Variants in FAM107B observed in about 807,000 individuals in gnomAD.
FAM107B encodes the protein family with sequence similarity 107 member B.
A neutral mutation model predicts 31.5 loss-of-function variants in FAM107B; 21 were observed. The observed-to-expected ratio is 0.67, with a 90% CI of 0.47 to 0.96. The LOEUF (loss-of-function observed/expected upper bound fraction) is 0.96, where lower values mean the gene tolerates loss of function less well. Ranked by LOEUF, FAM107B falls within the 40% of genes least tolerant of loss-of-function variation. The pLI, the probability that FAM107B is intolerant of heterozygous loss-of-function variation, is 0.00. For missense variants in FAM107B, 452 were observed against 377.1 expected (o/e 1.20, Z -1.64); for synonymous variants, 157 against 141.5 (o/e 1.11, Z -0.78).
In FAM107B at chr10:14,520,527, T is replaced by C. The variant is rs537868662; in HGVS notation, c.*663A>G. On this transcript the variant is annotated 3_prime_UTR_variant, in exon 5 of 5. Coordinates refer to ENST00000181796, the MANE Select transcript of FAM107B (RefSeq NM_031453.4). ...ACTGGAATGTCACTATGTAGCCTGCTATTATTACACAGAGAACCAAAAGGA... is the reference window on the plus strand; with the variant it reads ...ACTGGAATGTCACTATGTAGCCTGCCATTATTACACAGAGAACCAAAAGGA... The C allele has an allele frequency of 6.6e-6, 1 of 152,356 alleles. No individual in the cohort carries two copies. Among genetic ancestry groups the C allele is most frequent in the South Asian group, 2.1e-4 (1 of 4,830 alleles). The allele number at this position is 152,356 out of a possible 1,614,324, so 9.4% of individuals were successfully genotyped here. A position where few individuals can be genotyped will look rare whatever the true frequency, so the allele number is the denominator to read the frequency against.
chr10:14,666,195 A>C (rs190489777), intron 2 of FAM107B, among the ~76,000 whole-genome samples: 1 of 152,228 alleles, frequency 6.6e-6, no homozygotes, highest in Non-Finnish European at 1.5e-5. Context: ...GGCCATTCTC[A>C]TGCTGCTATA....
At chr10:14,560,305 A>C (rs770830240) in intron 2 of FAM107B, among the ~76,000 whole-genome samples, 6 of 152,292 alleles carry the variant, frequency 3.9e-5, no homozygotes, top group Admixed American at 6.5e-5. Context: ...GATCCCTTTT[A>C]AGAGTCTTTC....
chr10:14,659,899 A>C (rs1854186344), intron 2 of FAM107B, among the ~76,000 whole-genome samples: 1 of 152,176 alleles, frequency 6.6e-6, no homozygotes. Flanking sequence ...AAGTTACAAA[A>C]ATACTTATTT....
At chr10:14,550,877 T>C (rs1405117218) in intron 2 of FAM107B, among the ~76,000 whole-genome samples, 3 of 152,224 alleles carry the variant, frequency 2.0e-5, no homozygotes, top group Non-Finnish European at 4.4e-5. Flanking sequence ...TGAAAACTTG[T>C]CTTTTACTGA....
chr10:14,648,232 G>C (rs1853809659), intron 2 of FAM107B, among the ~76,000 whole-genome samples: 1 of 152,216 alleles, frequency 6.6e-6, no homozygotes, highest in Non-Finnish European at 1.5e-5. Context: ...AAGCTTGACT[G>C]AAAGAGGAAC....
At chr10:14,713,355 T>A (rs1250653768) in intron 1 of FAM107B, among the ~76,000 whole-genome samples, 1 of 152,184 alleles carries the variant, frequency 6.6e-6, no homozygotes, top group South Asian at 2.1e-4. Flanking sequence ...AGACACAAAG[T>A]TCCCTGTAAC....
At chr10:14,766,033 C>T (rs925334363) in intron 1 of FAM107B, among the ~76,000 whole-genome samples, 8 of 152,082 alleles carry the variant, frequency 5.3e-5, no homozygotes, top group Non-Finnish European at 1.2e-4. Context: ...AGATGGTACC[C>T]CCAAGTCTTG....
At chr10:14,688,356 C>T (rs1855040200) in intron 1 of FAM107B, among the ~76,000 whole-genome samples, 3 of 152,110 alleles carry the variant, frequency 2.0e-5, no homozygotes, top group African/African-American at 4.8e-5. Flanking sequence ...ACCTTGTGAT[C>T]GCGTGAGTCA....
At chr10:14,697,406 T>C (rs956627164) in intron 1 of FAM107B, among the ~76,000 whole-genome samples, 1 of 152,242 alleles carries the variant, frequency 6.6e-6, no homozygotes, top group Non-Finnish European at 1.5e-5. Flanking sequence ...TTTGAAATAA[T>C]GCAGGGCTCT....
rs1039361613 is a variant in FAM107B at position 14,668,111 on chromosome 10, G to A, written c.412-420C>T. Reference sequence around the variant, plus strand: ...AGCTGGAGTGCAGTGGCACAATCTCGGCTTACTGCAACCTCCAACTCCCTG... The same window carrying A: ...AGCTGGAGTGCAGTGGCACAATCTCAGCTTACTGCAACCTCCAACTCCCTG... On this transcript the variant is annotated intron_variant, in intron 1 of 4. Transcript: ENST00000181796. Among the ~76,000 whole-genome samples, 6 of 151,900 alleles carry A rather than the reference G, an allele frequency of 3.9e-5. No homozygotes were observed. In the South Asian group the frequency reaches 1.0e-3, roughly 26 times the overall value.
chr10:14,558,206 C>T (rs954244664), intron 2 of FAM107B, among the ~76,000 whole-genome samples: 1 of 152,114 alleles, frequency 6.6e-6, no homozygotes, highest in Non-Finnish European at 1.5e-5. Flanking sequence ...CTCACGTGCA[C>T]GTGCTCACAT....
intron 2 of FAM107B, among the ~76,000 whole-genome samples, chr10:14,544,131 T>G (rs905074220): frequency 6.6e-6 from 1 of 152,046 alleles, no homozygotes; most frequent in African/African-American, 2.4e-5. Flanking sequence ...GAAGGCAGAG[T>G]GGAGCAGATG....
intron 2 of FAM107B, among the ~76,000 whole-genome samples, chr10:14,637,128 C>T (rs1347728529): frequency 3.9e-5 from 6 of 152,122 alleles, no homozygotes; most frequent in East Asian, 1.9e-4. Flanking sequence ...CAAGCTTCAT[C>T]GGTGTCTCCC....
chr10:14,603,945 G>A (rs2131379184), intron 2 of FAM107B, among the ~76,000 whole-genome samples: 1 of 149,604 alleles, frequency 6.7e-6, no homozygotes, highest in South Asian at 2.1e-4. Context: ...CGCCGAGAAG[G>A]CAACAATGAG....
intron 1 of FAM107B, among the ~76,000 whole-genome samples, chr10:14,734,405 C>A (rs1856246304): frequency 6.6e-6 from 1 of 152,050 alleles, no homozygotes; most frequent in Non-Finnish European, 1.5e-5. Context: ...AGCCCACAGA[C>A]CACATGTGGT....
intron 3 of FAM107B, chr10:14,529,846 C>A (rs1172798153): frequency 6.6e-6 from 1 of 152,628 alleles, no homozygotes; most frequent in Non-Finnish European, 1.5e-5. Context: ...TAAAATGCTA[C>A]CCCCAAACAA....
chr10:14,767,055 TAGAGAGAGAGAGAGAGAGAGAG>T lies in FAM107B; in HGVS notation c.411+7176_411+7197del, dbSNP rs1186875187. Reference sequence around the variant, plus strand: ...ATATATATATATATATATATATATATAGAGAGAGAGAGAGAGAGAGAGAGAGAGAGAGAGAGAGAGAGAGACA... The same window carrying T: ...ATATATATATATATATATATATATATAGAGAGAGAGAGAGAGAGAGAGACA... On this transcript the variant is annotated intron_variant, in intron 1 of 4. Transcript: ENST00000181796. 1.1e-4 allele frequency among the ~76,000 whole-genome samples: 2 copies of T among 18,280 alleles called. 1 individual carries two copies. Among genetic ancestry groups the T allele is most frequent in the Non-Finnish European group, 2.2e-4 (2 of 8,950 alleles). The allele number at this position is 18,280 out of a possible 152,430, so 12.0% of individuals were successfully genotyped here.
intron 2 of FAM107B, among the ~76,000 whole-genome samples, chr10:14,629,427 A>AAAAT (rs1853279191): frequency 4.3e-5 from 1 of 23,438 alleles, no homozygotes. Context: ...TAATATATAT[A>AAAAT]ATATATATTA....
At chr10:14,754,462 A>G (rs1398632969) in intron 1 of FAM107B, among the ~76,000 whole-genome samples, 1 of 152,174 alleles carries the variant, frequency 6.6e-6, no homozygotes, top group Non-Finnish European at 1.5e-5. Context: ...AAGAAAGTCC[A>G]TGAGTTTTTC....
Sources: allele counts gnomAD v4.1 joint callset (sites outside exome capture counted in the v4.1 genomes callset), GRCh38; gene constraint gnomAD v4.1.1; transcripts MANE v1.5; gene names NCBI Gene and HGNC (gene_info 2026-07-23, HGNC 2026-07-21).